Variants in IRAG1 observed in about 807,000 individuals in gnomAD.
IRAG1 encodes the protein IP3R-associated cGMP kinase substrate.
IRAG1 carries 62 observed loss-of-function variants against 106.2 expected under a neutral mutation model. That is an observed-to-expected ratio of 0.58 (90% confidence interval 0.48 to 0.72). The LOEUF is 0.72. Ranked by LOEUF, IRAG1 falls within the 30% of genes least tolerant of loss-of-function variation. IRAG1 has a pLI of 0.00. For synonymous variants in IRAG1, 462 were observed against 443.9 expected (o/e 1.04, Z -0.51); for missense variants, 1,064 against 1,140.7 (o/e 0.93, Z 0.97).
intron 1 of IRAG1, among the ~76,000 whole-genome samples, chr11:10,656,019 C>T (rs1431016343): frequency 6.6e-6 from 1 of 152,138 alleles, no homozygotes; most frequent in Non-Finnish European, 1.5e-5. Context: ...ATTATAAACT[C>T]GCTGCTTAAA....
rs138560323 is a variant in IRAG1, at chr11:10,621,284, AG to A, written c.1447+2493del. Among the ~76,000 whole-genome samples the A allele has an allele frequency of 8.1e-3, 1,233 of 152,312 alleles. 14 individuals are homozygous for A. Among genetic ancestry groups the A allele is most frequent in the African/African-American group, 0.027 (1,130 of 41,558 alleles). ...TCTTATTAATGCTGAATAAATAGGT[AG>A]GTGTAAGTTACTACAGTTCAGACCA... On this transcript the variant is annotated intron_variant, in intron 10 of 20. Coordinates refer to ENST00000423302, the MANE Select transcript of IRAG1 (RefSeq NM_130385.4).
At position 10,638,569 on chromosome 11, in the gene IRAG1, T is replaced by C. The variant is rs1589892254; in HGVS notation, c.226-4498A>G. Among the ~76,000 whole-genome samples, 4 of 152,260 alleles carry C rather than the reference T, an allele frequency of 2.6e-5. No individual in the cohort carries two copies. In the South Asian group the frequency reaches 8.3e-4, roughly 31 times the overall value. On this transcript the variant is annotated intron_variant, in intron 2 of 20. Coordinates refer to ENST00000423302, the MANE Select transcript of IRAG1 (RefSeq NM_130385.4). ...GGATTTTATTCTGACTGTGAAAATT[T>C]GAGCTCTGAAAGTTGCCTTTTTCAT...
At position 10,669,016 on chromosome 11, in the gene IRAG1, G is replaced by A. The variant is rs910254552; in HGVS notation, c.68-16834C>T. 2.0e-5 allele frequency among the ~76,000 whole-genome samples: 3 copies of A among 152,320 alleles called. No individual in the cohort carries two copies. The South Asian group carries it at 6.2e-4, about 32-fold the overall frequency. Reference sequence around the variant, plus strand: ...ATATTTCCCCTGATAGAGAGGGGAGGAAGAAGTCCTTCAAAGGTTAGTATA... The same window carrying A: ...ATATTTCCCCTGATAGAGAGGGGAGAAAGAAGTCCTTCAAAGGTTAGTATA... On this transcript the variant is annotated intron_variant, in intron 1 of 20. Transcript: ENST00000423302.
At chr11:10,687,554 G>T in intron 1 of IRAG1, 1 of 720,570 alleles carries the variant, frequency 1.4e-6, no homozygotes, top group Non-Finnish European at 1.9e-6. Context: ...CAGTCATACG[G>T]GTGATATTAG....
intron 10 of IRAG1, among the ~76,000 whole-genome samples, chr11:10,618,775 A>G (rs1855617864): frequency 6.6e-6 from 1 of 152,188 alleles, no homozygotes; most frequent in African/African-American, 2.4e-5. Context: ...AGTGAGAGTG[A>G]GTGTGGCCCT....
At chr11:10,629,038 G>T (rs1056091989) in intron 5 of IRAG1, among the ~76,000 whole-genome samples, 10 of 152,034 alleles carry the variant, frequency 6.6e-5, no homozygotes, top group Non-Finnish European at 1.5e-4. Flanking sequence ...GGCCATTTGG[G>T]GGTTCGAGGA....
intron 1 of IRAG1, among the ~76,000 whole-genome samples, chr11:10,692,247 T>C (rs187592444): frequency 5.3e-5 from 8 of 152,122 alleles, no homozygotes; most frequent in African/African-American, 1.9e-4. Context: ...ACAAACATGA[T>C]AATGACAACT....
At chr11:10,680,404 G>GGAAGGAAAGGAAA (rs71034778) in intron 1 of IRAG1, among the ~76,000 whole-genome samples, 5 of 82,136 alleles carry the variant, frequency 6.1e-5, no homozygotes, top group East Asian at 1.1e-3. Context: ...AAGGAAGGAA[G>GGAAGGAAAGGAAA]GAAAGAAAGG....
chr11:10,667,768 G>C (rs913496852), intron 1 of IRAG1, among the ~76,000 whole-genome samples: 1 of 152,140 alleles, frequency 6.6e-6, no homozygotes, highest in African/African-American at 2.4e-5. Context: ...AAGCACCTGA[G>C]GTGCTTGATA....
intron 18 of IRAG1, chr11:10,589,188 C>T (rs1852365091): frequency 6.6e-6 from 1 of 152,156 alleles, no homozygotes; most frequent in Non-Finnish European, 1.5e-5. Context: ...AGTGCCCTTC[C>T]TGCTTTGTCA....
At position 10,575,931 on chromosome 11, in the gene IRAG1, C is replaced by T. The variant is rs1297672004; in HGVS notation, c.*401G>A. On this transcript the variant is annotated 3_prime_UTR_variant, in exon 21 of 21. Coordinates refer to ENST00000423302, the MANE Select transcript of IRAG1 (RefSeq NM_130385.4). ...CATTAAGCAAATTCTTCCTGATAAC[C>T]AATTACAGAGAGGAAAAAAGAGAGT... The T allele has an allele frequency of 5.5e-5, 11 of 200,694 alleles. No individual in the cohort carries two copies. The highest frequency in any genetic ancestry group is 2.1e-5 in the Non-Finnish European group (2 of 95,370). 12.4% of individuals were successfully genotyped at this position (200,694 alleles called of 1,614,324 possible).
intron 1 of IRAG1, among the ~76,000 whole-genome samples, chr11:10,681,132 ACCACTTCCAAGGAACAG>A (rs1282496592): frequency 2.0e-4 from 30 of 152,208 alleles, no homozygotes; most frequent in African/African-American, 7.2e-4. Context: ...TATGAGTTTC[ACCACTTCCAAGGAACAG>A]AAATCTTGTC....
chr11:10,629,517 C>G (rs767760962), intron 5 of IRAG1, 21 bp downstream of exon 5: 10 of 1,607,586 alleles, frequency 6.2e-6, no homozygotes, highest in African/African-American at 1.3e-5. Flanking sequence ...GGGCAGCCAC[C>G]TGTACATCCT....
chr11:10,588,341 CTT>C (rs368074962), intron 18 of IRAG1, among the ~76,000 whole-genome samples: 2 of 146,200 alleles, frequency 1.4e-5, no homozygotes, highest in Non-Finnish European at 3.0e-5. Context: ...TAGAGGGAAA[CTT>C]TTTTTTTTTT....
At chr11:10,640,550 G>A (rs1296030990) in intron 2 of IRAG1, among the ~76,000 whole-genome samples, 1 of 152,182 alleles carries the variant, frequency 6.6e-6, no homozygotes. Flanking sequence ...GGTCTTGTGG[G>A]GGCTGTTTTT....
intron 1 of IRAG1, among the ~76,000 whole-genome samples, chr11:10,654,191 A>G (rs10840457): frequency 0.76 from 115,497 of 151,990 alleles, 44,842 homozygotes; most frequent in East Asian, 0.98. Flanking sequence ...GAGTCAGGGC[A>G]CTGGAGAAAA....
chr11:10,593,275 A>G, intron 17 of IRAG1: 1 of 414,654 alleles, frequency 2.4e-6, no homozygotes, highest in South Asian at 3.4e-5. Flanking sequence ...TGAGCTGCCA[A>G]CACCATGCTG....
chr11:10,603,876 C>T (rs187579073), intron 13 of IRAG1, among the ~76,000 whole-genome samples: 60 of 152,282 alleles, frequency 3.9e-4, no homozygotes, highest in African/African-American at 1.4e-3. Context: ...CACCAGAACC[C>T]GACCATGCTG....
intron 1 of IRAG1, among the ~76,000 whole-genome samples, chr11:10,676,589 C>T (rs10770133): frequency 0.4 from 60,772 of 151,956 alleles, 12,481 homozygotes; most frequent in African/African-American, 0.47. Flanking sequence ...GGGGGAGTTC[C>T]TGCTGCAAGC....
Sources: gnomAD v4.1 joint callset for allele counts (sites outside exome capture counted in the v4.1 genomes callset) on GRCh38, gnomAD v4.1.1 for gene constraint, MANE v1.5 for transcripts, NCBI Gene and HGNC (gene_info 2026-07-23, HGNC 2026-07-21) for gene names.